Variants in N4BP1 observed in about 807,000 individuals in gnomAD.
N4BP1 encodes the protein NEDD4 binding protein 1, also known as NEDD4-binding protein 1.
A neutral mutation model predicts 70.9 loss-of-function variants in N4BP1; 21 were observed. The ratio of observed to expected loss-of-function variants is 0.30; its 90% CI spans 0.21 to 0.43. The LOEUF is 0.43. Ranked by LOEUF, N4BP1 falls within the 20% of genes least tolerant of loss-of-function variation. The pLI, the probability that N4BP1 is intolerant of heterozygous loss-of-function variation, is 1.00. For missense variants in N4BP1, 936 were observed against 1,069.4 expected, an observed-to-expected ratio of 0.88 and a Z score of 1.74; for synonymous variants, 387 against 394.6, an observed-to-expected ratio of 0.98 and a Z score of 0.23.
intron 1 of N4BP1, among the ~76,000 whole-genome samples, chr16:48,592,264 G>C (rs903814142): frequency 6.6e-6 from 1 of 152,162 alleles, no homozygotes; most frequent in Admixed American, 6.5e-5. Context: ...CGGCTGACTG[G>C]GTTTGGGTTG....
chr16:48,580,757 A>G (rs912382788), intron 1 of N4BP1, among the ~76,000 whole-genome samples: 1 of 152,108 alleles, frequency 6.6e-6, no homozygotes, highest in East Asian at 1.9e-4. Flanking sequence ...AAATACTCAG[A>G]AAAAAAATTA....
In N4BP1 at chr16:48,562,438, T is replaced by C. The variant is rs757164355; in HGVS notation, c.205A>G (p.Ile69Val). Residue 69 changes from isoleucine (I) to valine (V), a missense_variant, in exon 2 of 7, where the codon ATT (isoleucine) becomes GTT (valine). By Grantham distance (29) the Ile-to-Val change is conservative (BLOSUM62 3). Transcript: ENST00000262384. ...QEAVHSAKEYIKGICEPELEE... is the reference protein window; with the variant it reads ...QEAVHSAKEYVKGICEPELEE... ...AGTTCAGGTTCACAGATTCCTTTAA[T>C]ATATTCCTGTAAAGAGAAAATAAGA... The C allele has an allele frequency of 6.3e-7, 1 of 1,599,602 alleles. No homozygotes were observed. Among genetic ancestry groups the C allele is most frequent in the Non-Finnish European group, 8.5e-7 (1 of 1,175,294 alleles).
chr16:48,565,367 A>G (rs1356474889), intron 1 of N4BP1, among the ~76,000 whole-genome samples: 2 of 152,168 alleles, frequency 1.3e-5, no homozygotes, highest in African/African-American at 4.8e-5. Flanking sequence ...TGGGTGTTGA[A>G]ATTTGTCAAA....
Position 48,543,032 on chromosome 16 carries a change from T to A in N4BP1, c.2563A>T (p.Asn855Tyr). 6.2e-7 allele frequency: 1 copy of A among 1,614,048 alleles called. No homozygotes were observed. The highest frequency in any genetic ancestry group is 1.1e-5 in the South Asian group (1 of 91,080). ...MPAQRSSAET[N>Y]ELREALLKIF... ...TTCAGAAGGGCTTCCCTCAGCTCGT[T>A]GGTTTCTGCAGAAGATCTCTGAGCT... Residue 855 changes from asparagine to tyrosine, a missense_variant, in exon 7 of 7, where the codon AAC becomes TAC. Physicochemically the swap from Asn to Tyr is moderately radical, Grantham distance 143. Coordinates refer to ENST00000262384, the MANE Select transcript of N4BP1 (RefSeq NM_153029.4).
At chr16:48,571,581 A>G (rs1351868272) in intron 1 of N4BP1, among the ~76,000 whole-genome samples, 3 of 152,222 alleles carry the variant, frequency 2.0e-5, no homozygotes, top group Admixed American at 6.5e-5. Context: ...TCAAACAGAT[A>G]TAAGATGAGA....
intron 1 of N4BP1, chr16:48,603,715 A>G (rs1306129281): frequency 6.6e-6 from 1 of 152,060 alleles, no homozygotes; most frequent in Non-Finnish European, 1.5e-5. Flanking sequence ...ATTCCTTTAC[A>G]TCCAAGATTC....
At chr16:48,576,100 G>A (rs990351113) in intron 1 of N4BP1, among the ~76,000 whole-genome samples, 6 of 151,482 alleles carry the variant, frequency 4.0e-5, no homozygotes, top group African/African-American at 4.8e-5. Context: ...GAGAAAAGGA[G>A]AATATGACTT....
chr16:48,584,401 A>G (rs1275281572), intron 1 of N4BP1, among the ~76,000 whole-genome samples: 2 of 152,206 alleles, frequency 1.3e-5, no homozygotes, highest in Admixed American at 1.3e-4. Flanking sequence ...ACTTGTGACT[A>G]TAAGAAAAGC....
In N4BP1 at chr16:48,561,189, G is replaced by A; in HGVS notation, c.1454C>T (p.Thr485Ile). The stretch of plus-strand genomic sequence containing the variant: ...TGAAAGGCCATCAGTTTCAGGGTCT[G>A]TGTTACAAATGTAGTTCTGGTTTGA... Reference protein sequence around the residue: ...WGSNQNYICNTDPETDGLSPS... With the variant: ...WGSNQNYICNIDPETDGLSPS... Residue 485 changes from threonine (T) to isoleucine (I), a missense_variant, in exon 2 of 7, where the codon ACA (threonine) becomes ATA (isoleucine). Thr to Ile is a moderately conservative substitution (Grantham distance 89, BLOSUM62 -1). Around this residue, in one of 4 missense-constraint regions of N4BP1, gnomAD observed 515 missense variants for 491.7 expected, o/e 1.05. Coordinates refer to ENST00000262384, the MANE Select transcript of N4BP1 (RefSeq NM_153029.4). The A allele has an allele frequency of 1.2e-6, 2 of 1,613,994 alleles. No homozygotes were observed. The highest frequency in any genetic ancestry group is 1.7e-6 in the Non-Finnish European group (2 of 1,179,878).
chr16:48,582,200 C>A (rs1964183668), intron 1 of N4BP1, among the ~76,000 whole-genome samples: 1 of 152,158 alleles, frequency 6.6e-6, no homozygotes. Flanking sequence ...TGAGTCCCCC[C>A]TTATGTGTGG....
chr16:48,610,097 C>T lies in N4BP1; in HGVS notation c.-125G>A. ...TTCCCGGCCGCCTCGCCCCCGCCCG[C>T]GCCCCGCCGCCCGCCCTCAGGCCCG... is the stretch of plus-strand genomic sequence containing the variant. On this transcript the variant is annotated 5_prime_UTR_variant, in exon 1 of 7. Coordinates refer to ENST00000262384, the MANE Select transcript of N4BP1 (RefSeq NM_153029.4). 1 of 349,032 alleles carries T rather than the reference C, an allele frequency of 2.9e-6. No homozygotes were observed. The highest frequency in any genetic ancestry group is 4.1e-6 in the Non-Finnish European group (1 of 246,714). 21.6% of individuals were successfully genotyped at this position (349,032 alleles called of 1,614,324 possible).
chr16:48,548,223 T>C, intron 4 of N4BP1, 109 bp from the exon 5 acceptor site: 1 of 709,262 alleles, frequency 1.4e-6, no homozygotes, highest in Non-Finnish European at 2.5e-6. Flanking sequence ...ATCAAAGAAT[T>C]TAACCAAGGC....
At chr16:48,543,650 T>G (rs1346227632) in intron 6 of N4BP1, among the ~76,000 whole-genome samples, 1 of 152,164 alleles carries the variant, frequency 6.6e-6, no homozygotes, top group Non-Finnish European at 1.5e-5. Flanking sequence ...TAATAGAAAT[T>G]AGAAGAGACT....
At chr16:48,588,230 C>A (rs1183104427) in intron 1 of N4BP1, among the ~76,000 whole-genome samples, 3 of 149,648 alleles carry the variant, frequency 2.0e-5, no homozygotes, top group Admixed American at 6.7e-5. Flanking sequence ...ACAAAAATTA[C>A]AAAAATCCTG....
chr16:48,571,375 C>T (rs1306625098), intron 1 of N4BP1, among the ~76,000 whole-genome samples: 1 of 152,078 alleles, frequency 6.6e-6, no homozygotes, highest in Non-Finnish European at 1.5e-5. Flanking sequence ...AAGATAGAGC[C>T]CACCTAATGA....
At chr16:48,579,984 G>A (rs1964152998) in intron 1 of N4BP1, among the ~76,000 whole-genome samples, 1 of 151,824 alleles carries the variant, frequency 6.6e-6, no homozygotes, top group African/African-American at 2.4e-5. Context: ...AGATTTGAAG[G>A]GATAGACTAT....
chr16:48,609,964 G>A lies in N4BP1; in HGVS notation c.9C>T (p.Ala3=). MA[A]RAVLDEFTAP... ...CAGTGAACTCGTCCAGCACCGCCCG[G>A]GCCGCCATGGCGGGCGCGGCCTCCC... The change falls in exon 1 of 7, where the codon GCC becomes GCT. Residue 3 remains alanine (A), a synonymous_variant. Transcript: ENST00000262384. The A allele has an allele frequency of 8.1e-7, 1 of 1,238,586 alleles. No homozygotes were observed. Among genetic ancestry groups the A allele is most frequent in the Non-Finnish European group, 1.0e-6 (1 of 988,518 alleles). 76.7% of individuals were successfully genotyped at this position (1,238,586 alleles called of 1,614,324 possible).
intron 4 of N4BP1, among the ~76,000 whole-genome samples, chr16:48,549,607 C>T (rs1034940266): frequency 2.0e-5 from 3 of 152,222 alleles, no homozygotes; most frequent in Non-Finnish European, 2.9e-5. Flanking sequence ...ACCTATCCCC[C>T]CCGGCACCCA....
intron 2 of N4BP1, among the ~76,000 whole-genome samples, chr16:48,558,293 C>CA (rs57285875): frequency 0.057 from 5,558 of 98,056 alleles, 154 homozygotes; most frequent in Non-Finnish European, 0.084. Flanking sequence ...ATCAGTTTTC[C>CA]AAAAAAAAAA....
Sources: allele counts gnomAD v4.1 joint callset (sites outside exome capture counted in the v4.1 genomes callset), GRCh38; gene constraint gnomAD v4.1.1; regional missense constraint gnomAD v4.1.1; transcripts MANE v1.5; gene names NCBI Gene and HGNC (gene_info 2026-07-23, HGNC 2026-07-21).